ACTN4: variants seen among roughly 807,000 people sequenced by gnomAD.
ACTN4 encodes the protein actinin alpha 4, also known as alpha-actinin-4.
Under a neutral mutation model 114.2 loss-of-function variants are expected in ACTN4, and 18 were observed. The ratio of observed to expected loss-of-function variants is 0.16; its 90% CI spans 0.11 to 0.23. ACTN4 has a LOEUF of 0.23. Among genes scored for constraint, ACTN4 ranks in the 10% least tolerant of loss-of-function variants. The pLI, the probability that ACTN4 is intolerant of heterozygous loss-of-function variation, is 1.00. For missense variants in ACTN4, 722 were observed against 1,262.9 expected, an observed-to-expected ratio of 0.57 and a Z score of 6.49; for synonymous variants, 515 against 506.3, an observed-to-expected ratio of 1.02 and a Z score of -0.23.
At chr19:38,719,601 C>T (rs1968966217) in intron 11 of ACTN4, among the ~76,000 whole-genome samples, 1 of 152,240 alleles carries the variant, frequency 6.6e-6, no homozygotes, top group Non-Finnish European at 1.5e-5. Flanking sequence ...GTGAGGAGAG[C>T]GTGTTAGCAC....
chr19:38,660,456 C>T (rs954515738), intron 1 of ACTN4, among the ~76,000 whole-genome samples: 2 of 151,206 alleles, frequency 1.3e-5, no homozygotes, highest in Admixed American at 6.6e-5. Flanking sequence ...AGTGCAATGG[C>T]GTGTTCTTGG....
intron 11 of ACTN4, among the ~76,000 whole-genome samples, chr19:38,720,262 G>A (rs1260061983): frequency 2.0e-5 from 3 of 152,288 alleles, no homozygotes; most frequent in East Asian, 1.9e-4. Context: ...GACCAACCCC[G>A]AACGACCCCT....
intron 1 of ACTN4, among the ~76,000 whole-genome samples, chr19:38,673,670 AT>A (rs1568690632): frequency 1.8e-4 from 11 of 62,510 alleles, no homozygotes; most frequent in African/African-American, 3.3e-4. Context: ...TATATTATAT[AT>A]ATTTATATAT....
At chr19:38,729,180 T>C (rs1338887678) in intron 20 of ACTN4, 26 bp downstream of exon 20, 2 of 1,612,444 alleles carry the variant, frequency 1.2e-6, no homozygotes, top group Non-Finnish European at 8.5e-7. Flanking sequence ...ACGAGGTGCA[T>C]GGGGGCTGGC....
chr19:38,710,838 A>T, intron 8 of ACTN4: 1 of 270,088 alleles, frequency 3.7e-6, no homozygotes, highest in East Asian at 9.3e-5. Flanking sequence ...AGCTTGGCGT[A>T]TTCAGGGACC....
intron 1 of ACTN4, 104 bp downstream of exon 1, chr19:38,648,011 G>A: frequency 2.3e-6 from 3 of 1,296,546 alleles, no homozygotes; most frequent in Non-Finnish European, 3.0e-6. Context: ...GATGGGAACG[G>A]GGGGGTCCCG....
intron 8 of ACTN4, 84 bp from the exon 9 acceptor site, chr19:38,714,385 G>A: frequency 2.3e-6 from 3 of 1,285,066 alleles, no homozygotes; most frequent in South Asian, 2.4e-5. Context: ...CGTGGGCCAT[G>A]GACCAGCTGC....
At position 38,680,513 on chromosome 19, in the gene ACTN4, GA is replaced by G. The variant is rs150776070; in HGVS notation, c.163-20085del. Among the ~76,000 whole-genome samples the G allele has an allele frequency of 7.5e-3, 1,143 of 152,184 alleles. 12 individuals are homozygous for G. Among genetic ancestry groups the G allele is most frequent in the African/African-American group, 0.026 (1,077 of 41,536 alleles). ...GAAGTAGTTGAATGAGTGACTGAATGAATGCCCACGTGAGCAAATGACCTGT... is the reference window on the plus strand; with the variant it reads ...GAAGTAGTTGAATGAGTGACTGAATGATGCCCACGTGAGCAAATGACCTGT... On this transcript the variant is annotated intron_variant, in intron 1 of 20. Transcript: ENST00000252699.
At chr19:38,728,904 C>T (rs538494140) in intron 19 of ACTN4, 92 bp from the exon 20 acceptor site, 22 of 1,536,090 alleles carry the variant, frequency 1.4e-5, no homozygotes, top group African/African-American at 2.7e-5. Flanking sequence ...CCTACTCTCT[C>T]GGCTGTTTCC....
At chr19:38,726,694 A>G (rs1185384480) in intron 17 of ACTN4, among the ~76,000 whole-genome samples, 1 of 152,172 alleles carries the variant, frequency 6.6e-6, no homozygotes, top group East Asian at 1.9e-4. Context: ...AGTTTGTCCA[A>G]ACAGTCTCCA....
At position 38,731,167 on chromosome 19, in the gene ACTN4, G is replaced by C. The variant is rs760050915; in HGVS notation, c.*1735G>C. On this transcript the variant is annotated 3_prime_UTR_variant, in exon 21 of 21. Coordinates refer to ENST00000252699, the MANE Select transcript of ACTN4 (RefSeq NM_004924.6). ...AACCGCTCGAAGTCCACACGCAGACGGCTATCCCGGTAGCGGCTGGTGAGG... is the reference window on the plus strand; with the variant it reads ...AACCGCTCGAAGTCCACACGCAGACCGCTATCCCGGTAGCGGCTGGTGAGG... 79 of 1,613,094 alleles carry C rather than the reference G, an allele frequency of 4.9e-5. 1 individual carries two copies. The highest frequency in any genetic ancestry group is 6.4e-5 in the Non-Finnish European group (76 of 1,180,014).
intron 1 of ACTN4, among the ~76,000 whole-genome samples, chr19:38,687,029 T>A (rs972307919): frequency 6.9e-6 from 1 of 144,088 alleles, no homozygotes; most frequent in Non-Finnish European, 1.5e-5. Context: ...AGTGGCACAA[T>A]CTCGGCTCAC....
At chr19:38,728,086 T>C (rs1969305488) in intron 19 of ACTN4, 60 bp downstream of exon 19, 15 of 1,533,818 alleles carry the variant, frequency 9.8e-6, no homozygotes, top group Non-Finnish European at 8.9e-7. Flanking sequence ...TCTCTCTCCT[T>C]CTCTCTTTCT....
chr19:38,724,666 G>A lies in ACTN4; in HGVS notation c.2010+101G>A. On this transcript the variant is annotated intron_variant, in intron 16 of 20. Coordinates refer to ENST00000252699, the MANE Select transcript of ACTN4 (RefSeq NM_004924.6). This position sits in a 1 kb window ranked among gnomAD's most constrained non-coding sequence, Gnocchi z 7.0. ...CCAGGGCCTGCAGACTGAGGCGCCT[G>A]GCAGAGCAGGTCCCAATTCTCACCA... 4 of 1,575,482 alleles carry A rather than the reference G, an allele frequency of 2.5e-6. No individual in the cohort carries two copies. The highest frequency in any genetic ancestry group is 3.5e-6 in the Non-Finnish European group (4 of 1,158,614).
At chr19:38,650,916 A>G (rs1232357644) in intron 1 of ACTN4, among the ~76,000 whole-genome samples, 4 of 152,292 alleles carry the variant, frequency 2.6e-5, no homozygotes, top group Non-Finnish European at 5.9e-5. Flanking sequence ...TATTTTTAGT[A>G]GAGACGGGGT....
At chr19:38,696,996 C>A (rs1968116708) in intron 1 of ACTN4, among the ~76,000 whole-genome samples, 1 of 152,250 alleles carries the variant, frequency 6.6e-6, no homozygotes, top group Non-Finnish European at 1.5e-5. Context: ...TAATCCCTAT[C>A]TTAACCTCTC....
chr19:38,664,861 T>G (rs1353890808), intron 1 of ACTN4, among the ~76,000 whole-genome samples: 1 of 152,054 alleles, frequency 6.6e-6, no homozygotes, highest in Admixed American at 6.5e-5. Context: ...GCTCATTACT[T>G]GTATTTGAGG....
At chr19:38,690,469 C>T (rs1012971367) in intron 1 of ACTN4, among the ~76,000 whole-genome samples, 1 of 152,252 alleles carries the variant, frequency 6.6e-6, no homozygotes, top group African/African-American at 2.4e-5. Context: ...TTCCATGGTT[C>T]TCTTCCATGA....
chr19:38,669,978 T>C (rs935415920), intron 1 of ACTN4, among the ~76,000 whole-genome samples: 2 of 152,194 alleles, frequency 1.3e-5, no homozygotes, highest in East Asian at 1.9e-4. Context: ...TTCTGATCTT[T>C]AGTGGAAATA....
Sources: allele counts gnomAD v4.1 joint callset (sites outside exome capture counted in the v4.1 genomes callset), GRCh38; gene constraint gnomAD v4.1.1; non-coding constraint Gnocchi (gnomAD v3.1); transcripts MANE v1.5; gene names NCBI Gene and HGNC (gene_info 2026-07-23, HGNC 2026-07-21).